Variants in MLIP observed in about 807,000 individuals in gnomAD.
The protein encoded by MLIP is muscular LMNA interacting protein, also known as muscular LMNA-interacting protein.
MLIP carries 79 observed loss-of-function variants against 84.8 expected under a neutral mutation model. The observed-to-expected ratio is 0.93, with a 90% CI of 0.78 to 1.12. MLIP has a LOEUF of 1.12. Among genes scored for constraint, MLIP ranks in the 50% most tolerant of loss-of-function variants. The pLI, the probability that MLIP is intolerant of heterozygous loss-of-function variation, is 0.00. For missense variants in MLIP, 1,257 were observed against 1,160.6 expected (o/e 1.08, Z -1.21); for synonymous variants, 504 against 463.0 (o/e 1.09, Z -1.14).
chr6:54,144,581 A>G (rs1295632769), intron 4 of MLIP, among the ~76,000 whole-genome samples: 1 of 152,086 alleles, frequency 6.6e-6, no homozygotes, highest in Non-Finnish European at 1.5e-5. Context: ...TAGGGTTTGC[A>G]CTCCTATGAG....
intron 1 of MLIP, among the ~76,000 whole-genome samples, chr6:54,103,250 T>A (rs1163601973): frequency 6.6e-6 from 1 of 152,154 alleles, no homozygotes. Flanking sequence ...TATGTATGTG[T>A]CAGACTTCTA....
intron 4 of MLIP, among the ~76,000 whole-genome samples, chr6:54,144,911 T>A (rs555594543): frequency 5.3e-5 from 8 of 152,330 alleles, no homozygotes; most frequent in African/African-American, 1.9e-4. Context: ...GTTCTTGCTA[T>A]CCTTACCTTC....
chr6:54,140,661 T>C (rs1349414456), intron 4 of MLIP, among the ~76,000 whole-genome samples: 1 of 152,164 alleles, frequency 6.6e-6, no homozygotes, highest in Non-Finnish European at 1.5e-5. Context: ...TCTCTTTAGG[T>C]AAAAATCAGA....
chr6:54,120,401 A>AT (rs10708241), intron 1 of MLIP, among the ~76,000 whole-genome samples: 59,080 of 151,116 alleles, frequency 0.39, 11,935 homozygotes, highest in African/African-American at 0.48. Flanking sequence ...CGCCCGGCTC[A>AT]TTTTTTTTTG....
chr6:54,130,242 T>C (rs975454082), intron 3 of MLIP, among the ~76,000 whole-genome samples: 1 of 152,110 alleles, frequency 6.6e-6, no homozygotes, highest in East Asian at 1.9e-4. Context: ...GAAGAACATA[T>C]CTGGAAAATC....
chr6:54,265,947 C>CA lies in MLIP; in HGVS notation c.2977-2dup. On this transcript the variant is annotated splice_polypyrimidine_tract_variant and splice_region_variant and intron_variant, in intron 13 of 13. Transcript: ENST00000502396. ...CTGACTACCATATTCTCTTATTTTA[C>CA]AGCAATGAAGTTGGAGCAGAGGCTG... 6.2e-7 allele frequency: 1 copy of CA among 1,611,202 alleles called. No individual in the cohort carries two copies.
intron 1 of MLIP, among the ~76,000 whole-genome samples, chr6:54,058,194 G>C (rs371013729): frequency 5.9e-5 from 9 of 152,084 alleles, no homozygotes; most frequent in Admixed American, 5.9e-4. Flanking sequence ...GAATGGAAAT[G>C]CTGTGTTTAT....
At chr6:54,046,355 A>G (rs1312946476) in intron 1 of MLIP, 4 of 151,932 alleles carry the variant, frequency 2.6e-5, no homozygotes, top group African/African-American at 9.7e-5. Context: ...ATTATAGAAT[A>G]TATAGAAAAT....
intron 10 of MLIP, among the ~76,000 whole-genome samples, 198 bp downstream of exon 10, chr6:54,190,112 T>A (rs1259653186): frequency 6.6e-6 from 1 of 152,216 alleles, no homozygotes; most frequent in Non-Finnish European, 1.5e-5. Context: ...AAACTATACA[T>A]AGACCTTACT....
intron 11 of MLIP, chr6:54,215,001 G>T: frequency 1.7e-6 from 1 of 594,612 alleles, no homozygotes; most frequent in Non-Finnish European, 2.9e-6. Flanking sequence ...TAAAGGAGAC[G>T]ATATCCCTCC....
At chr6:54,206,746 T>C (rs1426181150) in intron 11 of MLIP, among the ~76,000 whole-genome samples, 1 of 152,210 alleles carries the variant, frequency 6.6e-6, no homozygotes, top group East Asian at 1.9e-4. Context: ...TTCATCAAGT[T>C]GTATTTCAAC....
Position 54,160,727 on chromosome 6 carries a change from C to T in MLIP, c.2440-13C>T. ...TTTTCTCTTCTTCTTTCCTTCCTTT[C>T]TTTTTTTTTCAGCATTCTTCTGATT... On this transcript the variant is annotated splice_polypyrimidine_tract_variant and intron_variant, in intron 7 of 13. Coordinates refer to ENST00000502396, the MANE Select transcript of MLIP (RefSeq NM_001281747.2). 6.5e-7 allele frequency: 1 copy of T among 1,534,482 alleles called. No individual in the cohort carries two copies.
intron 9 of MLIP, among the ~76,000 whole-genome samples, chr6:54,171,967 C>T (rs945761131): frequency 6.6e-6 from 1 of 151,418 alleles, no homozygotes; most frequent in Non-Finnish European, 1.5e-5. Flanking sequence ...GGATTCAGTG[C>T]GTCATTGACT....
intron 1 of MLIP, among the ~76,000 whole-genome samples, chr6:54,115,456 T>C (rs544596679): frequency 2.0e-5 from 3 of 152,116 alleles, no homozygotes; most frequent in East Asian, 1.9e-4. Flanking sequence ...GGGGATAGTA[T>C]GGAGCGATAA....
intron 11 of MLIP, among the ~76,000 whole-genome samples, chr6:54,211,507 C>A (rs1470512324): frequency 1.3e-5 from 2 of 152,102 alleles, no homozygotes; most frequent in Non-Finnish European, 2.9e-5. Flanking sequence ...GTAATAGAAC[C>A]AAAGGAAATC....
intron 1 of MLIP, among the ~76,000 whole-genome samples, chr6:54,063,062 C>T (rs965315): frequency 2.0e-5 from 3 of 151,972 alleles, no homozygotes; most frequent in East Asian, 1.9e-4. Flanking sequence ...AAAAATTATC[C>T]GGTCGTGGTG....
rs547058989 is a variant in MLIP, at chr6:54,209,137, T to A, written c.2718+6904T>A. Among the ~76,000 whole-genome samples, 20 of 152,304 alleles carry A rather than the reference T, an allele frequency of 1.3e-4. No individual in the cohort carries two copies. In the South Asian group the frequency reaches 3.9e-3, roughly 30 times the overall value. ...CGATATTGGCATATATTTTAAAATG[T>A]GTGTTATAGACAGATTTTGAATGAG... On this transcript the variant is annotated intron_variant, in intron 11 of 13. Transcript: ENST00000502396.
chr6:54,197,366 T>C (rs1024735103), intron 10 of MLIP, among the ~76,000 whole-genome samples: 2 of 152,090 alleles, frequency 1.3e-5, no homozygotes, highest in African/African-American at 2.4e-5. Context: ...AGGGGGTATG[T>C]CTTTTTTTTA....
intron 2 of MLIP, among the ~76,000 whole-genome samples, chr6:54,122,082 TTATC>T (rs1472772303): frequency 2.0e-5 from 3 of 152,278 alleles, no homozygotes; most frequent in South Asian, 4.2e-4. Flanking sequence ...TGGAAATACT[TTATC>T]TATAGTTATA....
Sources: gnomAD v4.1 joint callset for allele counts (sites outside exome capture counted in the v4.1 genomes callset) on GRCh38, gnomAD v4.1.1 for gene constraint, MANE v1.5 for transcripts, NCBI Gene and HGNC (gene_info 2026-07-23, HGNC 2026-07-21) for gene names.